The following SPOCK3 variants were observed in gnomAD, a reference collection of about 807,000 sequenced individuals.
SPOCK3 encodes testican-3.
Under a neutral mutation model 56.6 loss-of-function variants are expected in SPOCK3, and 30 were observed. That is an observed-to-expected ratio of 0.53 (90% CI 0.40 to 0.72). The LOEUF (loss-of-function observed/expected upper bound fraction) is 0.72, where lower values mean the gene tolerates loss of function less well. Ranked by LOEUF, SPOCK3 falls within the 30% of genes least tolerant of loss-of-function variation. The probability of loss-of-function intolerance (pLI) is 0.00; values close to 1 mark genes in which losing one functional copy is unlikely to be tolerated. For missense variants in SPOCK3, 527 were observed against 530.0 expected (o/e 0.99, Z 0.06); for synonymous variants, 196 against 183.3 (o/e 1.07, Z -0.56).
chr4:166,916,825 T>C (rs1737905011), intron 4 of SPOCK3, among the ~76,000 whole-genome samples: 1 of 152,208 alleles, frequency 6.6e-6, no homozygotes, highest in African/African-American at 2.4e-5. Context: ...CATCAGTCTA[T>C]AAATCTTTAA....
intron 4 of SPOCK3, among the ~76,000 whole-genome samples, chr4:166,988,934 C>T (rs1747465700): frequency 6.6e-6 from 1 of 151,850 alleles, no homozygotes; most frequent in African/African-American, 2.4e-5. Context: ...TAATCCTTAC[C>T]TTATATTTAG....
chr4:166,911,319 G>T lies in SPOCK3; in HGVS notation c.474+1301C>A, dbSNP rs539771711. Among the ~76,000 whole-genome samples, 3 of 152,228 alleles carry T rather than the reference G, an allele frequency of 2.0e-5. No homozygotes were observed. In the South Asian group the frequency reaches 6.2e-4, roughly 32 times the overall value. ...TTTCCCAGATTTGTAATTGTAAAAG[G>T]CAAGTGGAAGTTTTGGGGAAATATT... On this transcript the variant is annotated intron_variant, in intron 5 of 10. Coordinates refer to ENST00000357545, the MANE Select transcript of SPOCK3 (RefSeq NM_001040159.2).
chr4:166,880,887 T>C (rs946881413), intron 6 of SPOCK3, among the ~76,000 whole-genome samples: 2 of 152,206 alleles, frequency 1.3e-5, no homozygotes, highest in African/African-American at 4.8e-5. Context: ...CCTCATTAAG[T>C]ATTTAAAAAT....
At chr4:167,005,754 G>T (rs1158620635) in intron 3 of SPOCK3, among the ~76,000 whole-genome samples, 1 of 152,078 alleles carries the variant, frequency 6.6e-6, no homozygotes, top group Non-Finnish European at 1.5e-5. Flanking sequence ...AAAGGTCTTT[G>T]TTTTTGTTGT....
chr4:167,182,774 G>C (rs1049018198), intron 2 of SPOCK3, among the ~76,000 whole-genome samples: 1 of 152,082 alleles, frequency 6.6e-6, no homozygotes, highest in Non-Finnish European at 1.5e-5. Flanking sequence ...CTCACCTCAT[G>C]ATCTGCCCGC....
intron 2 of SPOCK3, among the ~76,000 whole-genome samples, chr4:167,106,707 G>A (rs1760185917): frequency 1.7e-5 from 2 of 118,404 alleles, no homozygotes; most frequent in African/African-American, 7.6e-5. Context: ...GAAACAAAAA[G>A]TTGTTTTTTT....
chr4:166,912,725 T>C lies in SPOCK3; in HGVS notation c.369A>G (p.Val123=), dbSNP rs1246480165. 3.1e-6 allele frequency: 5 copies of C among 1,602,390 alleles called. No individual in the cohort carries two copies. Among genetic ancestry groups the C allele is most frequent in the Non-Finnish European group, 4.3e-6 (5 of 1,176,418 alleles). The change falls in exon 5 of 11, where the codon GTA becomes GTG. Residue 123 remains valine, a synonymous_variant. Transcript: ENST00000357545. ...TGGGACCCCTCCACTGCCTATGGTC[T>C]ACTCCTGCTTCTTTCATCCTGTTAA... ...RLTHRMKEAG[V]DHRQWRGPIL... is the part of the protein sequence containing the mutation.
chr4:166,876,623 G>A (rs1733113904), intron 6 of SPOCK3, among the ~76,000 whole-genome samples: 1 of 152,104 alleles, frequency 6.6e-6, no homozygotes, highest in Non-Finnish European at 1.5e-5. Flanking sequence ...TAGTGGTGAT[G>A]AACATGTATA....
chr4:167,107,550 A>G, intron 2 of SPOCK3, among the ~76,000 whole-genome samples: 1 of 151,938 alleles, frequency 6.6e-6, no homozygotes, highest in East Asian at 1.9e-4. Context: ...CATATTGAAT[A>G]AAGAAAAACA....
chr4:166,861,871 C>T (rs1731279703), intron 6 of SPOCK3, among the ~76,000 whole-genome samples: 1 of 152,120 alleles, frequency 6.6e-6, no homozygotes, highest in African/African-American at 2.4e-5. Flanking sequence ...TTCCTCTTCA[C>T]ACTCTTCCTT....
chr4:166,970,638 T>C (rs565471725), intron 4 of SPOCK3, among the ~76,000 whole-genome samples: 1 of 151,936 alleles, frequency 6.6e-6, no homozygotes, highest in African/African-American at 2.4e-5. Context: ...GCAAGGAGAA[T>C]TGCTTGAACC....
rs142686269 is a variant in SPOCK3, at chr4:167,103,443, A to C, written c.190-40906T>G. Among the ~76,000 whole-genome samples, 232 of 152,248 alleles carry C rather than the reference A, an allele frequency of 1.5e-3. 1 individual carries two copies. Among genetic ancestry groups the C allele is most frequent in the African/African-American group, 5.2e-3 (215 of 41,562 alleles). On this transcript the variant is annotated intron_variant, in intron 2 of 10. Transcript: ENST00000357545. ...GCTGATGAGCCTTTTAGCCTATGGGAGCATCAGCACTAGCCTGGCAGTACT... is the reference window on the plus strand; with the variant it reads ...GCTGATGAGCCTTTTAGCCTATGGGCGCATCAGCACTAGCCTGGCAGTACT...
chr4:167,118,036 A>G (rs1761575804), intron 2 of SPOCK3, among the ~76,000 whole-genome samples: 1 of 152,150 alleles, frequency 6.6e-6, no homozygotes, highest in African/African-American at 2.4e-5. Flanking sequence ...TATGTGACCT[A>G]TAATTAGAAG....
intron 2 of SPOCK3, among the ~76,000 whole-genome samples, chr4:167,164,732 G>C (rs561603758): frequency 1.3e-5 from 2 of 152,114 alleles, no homozygotes; most frequent in South Asian, 4.1e-4. Flanking sequence ...GAGAATGACG[G>C]CTTCCAGTAC....
chr4:167,227,978 C>T (rs958372152), intron 2 of SPOCK3, among the ~76,000 whole-genome samples: 5 of 152,048 alleles, frequency 3.3e-5, no homozygotes, highest in Admixed American at 2.6e-4. Context: ...ACACTGTGTC[C>T]ACACATGTAA....
intron 6 of SPOCK3, among the ~76,000 whole-genome samples, chr4:166,799,065 A>C (rs902018979): frequency 1.3e-5 from 2 of 152,178 alleles, no homozygotes; most frequent in Non-Finnish European, 1.5e-5. Flanking sequence ...GCAATGTTGC[A>C]GGCTACAAAT....
intron 6 of SPOCK3, among the ~76,000 whole-genome samples, chr4:166,802,526 T>A (rs1473326427): frequency 1.3e-5 from 2 of 152,158 alleles, no homozygotes; most frequent in Non-Finnish European, 2.9e-5. Context: ...TGTTTTCACA[T>A]GGCAGAAAGG....
intron 4 of SPOCK3, among the ~76,000 whole-genome samples, chr4:166,938,959 A>ACG (rs1740767349): frequency 7.1e-6 from 1 of 140,136 alleles, no homozygotes; most frequent in Admixed American, 6.8e-5. Context: ...CACACACCAC[A>ACG]CACACACACA....
Position 167,000,370 on chromosome 4 carries a change from C to G in SPOCK3, c.329G>C (p.Ser110Thr). Reference protein sequence around the residue: ...AQDSQTAVCISHRRLTHRMKE... With the variant: ...AQDSQTAVCITHRRLTHRMKE... ...TTACCTGTGTGTAAGCCTCCGGTGA[C>G]TAATGCAGACTGCAGTCTGAGAATC... Residue 110 changes from serine (S) to threonine (T), a missense_variant, in exon 4 of 11, where the codon AGT (serine) becomes ACT (threonine). Coordinates refer to ENST00000357545, the MANE Select transcript of SPOCK3 (RefSeq NM_001040159.2). 6.3e-7 allele frequency: 1 copy of G among 1,587,848 alleles called. No homozygotes were observed. The highest frequency in any genetic ancestry group is 1.1e-5 in the South Asian group (1 of 88,394).
Sources: gnomAD v4.1 joint callset for allele counts (sites outside exome capture counted in the v4.1 genomes callset) on GRCh38, gnomAD v4.1.1 for gene constraint, MANE v1.5 for transcripts, NCBI Gene and HGNC (gene_info 2026-07-23, HGNC 2026-07-21) for gene names.